KLHL5: variants seen among roughly 807,000 people sequenced by gnomAD.
KLHL5 encodes the protein kelch-like protein 5.
In KLHL5, 48 loss-of-function variants were observed where a neutral mutation model predicts 77.7. The ratio of observed to expected loss-of-function variants is 0.62; its 90% confidence interval spans 0.49 to 0.79. The LOEUF (loss-of-function observed/expected upper bound fraction) is 0.79, where lower values mean the gene tolerates loss of function less well. KLHL5 is among the 30% of genes least tolerant of loss of function. KLHL5 has a pLI of 0.00. For synonymous variants in KLHL5, 260 were observed against 297.0 expected (o/e 0.88, Z 1.28); for missense variants, 723 against 859.7 (o/e 0.84, Z 1.99).
upstream of KLHL5, among the ~76,000 whole-genome samples, chr4:39,061,165 G>A (rs187403328): frequency 8.5e-5 from 13 of 152,138 alleles, no homozygotes; most frequent in Non-Finnish European, 1.3e-4. Flanking sequence ...GGTTTTTCCC[G>A]TATTATTTAG....
chr4:39,091,520 C>T (rs570479072), intron 5 of KLHL5, among the ~76,000 whole-genome samples: 2 of 152,190 alleles, frequency 1.3e-5, no homozygotes, highest in East Asian at 1.9e-4. Context: ...AAATTATGAA[C>T]GTTTTCAATG....
At chr4:39,048,960 C>T (rs1343534328) in intron 1 of KLHL5, among the ~76,000 whole-genome samples, 3 of 152,072 alleles carry the variant, frequency 2.0e-5, no homozygotes, top group Admixed American at 2.0e-4. Flanking sequence ...CTCTTCAGGG[C>T]TTCTGTCTGG....
chr4:39,077,413 G>T (rs1264893899), intron 2 of KLHL5, among the ~76,000 whole-genome samples: 2 of 151,942 alleles, frequency 1.3e-5, no homozygotes, highest in African/African-American at 4.8e-5. Context: ...AGTGAGCCAA[G>T]ATCGCGCCAC....
intron 4 of KLHL5, among the ~76,000 whole-genome samples, chr4:39,084,335 C>A (rs1719867549): frequency 6.6e-6 from 1 of 152,154 alleles, no homozygotes; most frequent in Non-Finnish European, 1.5e-5. Flanking sequence ...TGCCACTGAA[C>A]ATGACCTGGA....
At chr4:39,045,176 C>G in intron 1 of KLHL5, 1 of 983,892 alleles carries the variant, frequency 1.0e-6, no homozygotes, top group Non-Finnish European at 1.2e-6. Context: ...GCGACTCTCA[C>G]GCCCCGCTGC....
the KLHL5 span, among the ~76,000 whole-genome samples, chr4:39,137,530 G>A: frequency 2.0e-5 from 3 of 152,222 alleles, no homozygotes; most frequent in East Asian, 5.8e-4. Context: ...AGGCTGAGGT[G>A]GGAAGATTGA....
At position 39,086,645 on chromosome 4, in the gene KLHL5, G is replaced by A. The variant is rs1328596580; in HGVS notation, c.1031G>A (p.Trp344Ter). 1 of 1,613,800 alleles carries A rather than the reference G, an allele frequency of 6.2e-7. No individual in the cohort carries two copies. Among genetic ancestry groups the A allele is most frequent in the Non-Finnish European group, 8.5e-7 (1 of 1,179,916 alleles). ...ACAATATTGAATGCACTTCTTACTT[G>A]GGTCCGTCATGATTTGGAACAGAGA... ...EETILNALLTWVRHDLEQRRK... is the reference protein window; with the variant it reads ...EETILNALLT The change falls in exon 5 of 11, where the codon TGG becomes TAG. Residue 344 changes from tryptophan to a stop codon, truncating the protein, a stop_gained. Coordinates refer to ENST00000504108, the MANE Select transcript of KLHL5 (RefSeq NM_015990.5). LOFTEE classifies it high-confidence loss of function.
chr4:39,103,840 A>G (rs1721808154), intron 7 of KLHL5, among the ~76,000 whole-genome samples: 1 of 7,150 alleles, frequency 1.4e-4, no homozygotes, highest in Non-Finnish European at 2.4e-4. Flanking sequence ...TTTTAATTAA[A>G]AAATTTGGTG....
intron 1 of KLHL5, among the ~76,000 whole-genome samples, chr4:39,069,428 TTTTATATATATATATATATA>T (rs1208217652): frequency 8.6e-5 from 11 of 128,650 alleles, no homozygotes; most frequent in Admixed American, 3.1e-4. Context: ...CCTATTAACA[TTTTATATATATATATATATA>T]TATATATATA....
intron 1 of KLHL5, among the ~76,000 whole-genome samples, chr4:39,070,612 A>G (rs1458488699): frequency 2.0e-5 from 3 of 152,206 alleles, no homozygotes; most frequent in African/African-American, 4.8e-5. Flanking sequence ...TTTAATTCTC[A>G]CCAGCATTGT....
rs1721114102 is a variant in KLHL5, at chr4:39,096,878, G to A, written c.1300G>A (p.Gly434Arg). ...AGTTGGGGGAATGGATTCAACAAAA[G>A]GTATCAAATAATCTTTTATTTGGGG... Reference protein sequence around the residue: ...FAVGGMDSTKGATSIEKYDLR... With the variant: ...FAVGGMDSTKRATSIEKYDLR... Residue 434 changes from glycine (G) to arginine (R), a missense_variant and splice_region_variant, in exon 6 of 11, where the codon GGA becomes AGA. By Grantham distance (125) the Gly-to-Arg change is moderately radical (BLOSUM62 -2). Coordinates refer to ENST00000504108, the MANE Select transcript of KLHL5 (RefSeq NM_015990.5). The A allele has an allele frequency of 6.2e-6, 10 of 1,608,854 alleles. No homozygotes were observed. Among genetic ancestry groups the A allele is most frequent in the Non-Finnish European group, 8.5e-6 (10 of 1,175,748 alleles).
chr4:39,099,671 T>C (rs1721374791), intron 6 of KLHL5, among the ~76,000 whole-genome samples: 1 of 152,198 alleles, frequency 6.6e-6, no homozygotes, highest in African/African-American at 2.4e-5. Context: ...ATCTCTCAAA[T>C]GTCAGCTTAC....
chr4:39,052,331 G>A (rs1412590263), intron 1 of KLHL5, among the ~76,000 whole-genome samples: 1 of 151,926 alleles, frequency 6.6e-6, no homozygotes, highest in African/African-American at 2.4e-5. Flanking sequence ...TATTGGCCAG[G>A]CTGGTCTTGA....
intron 7 of KLHL5, 132 bp from the exon 8 acceptor site, chr4:39,107,437 T>C: frequency 5.0e-6 from 1 of 200,270 alleles, no homozygotes; most frequent in Non-Finnish European, 8.8e-6. Flanking sequence ...GGAGGACACT[T>C]GTCTGCATCA....
At position 39,082,081 on chromosome 4, in the gene KLHL5, CAACT is replaced by C; in HGVS notation, c.823_826del (p.Asn275ValfsTer31). The C allele has an allele frequency of 6.2e-7, 1 of 1,613,984 alleles. No individual in the cohort carries two copies. The highest frequency in any genetic ancestry group is 1.7e-5 in the Admixed American group (1 of 59,998). ...TTTTAATGAAACAGCTTCATCCATCCAACTGTCTTGGAATTCGTTCTTTTGCTGA... is the reference window on the plus strand; with the variant it reads ...TTTTAATGAAACAGCTTCATCCATCCGTCTTGGAATTCGTTCTTTTGCTGA... On this transcript the variant is annotated frameshift_variant, in exon 4 of 11. Transcript: ENST00000504108. LOFTEE classifies it high-confidence loss of function.
At chr4:39,090,977 A>C (rs918680700) in intron 5 of KLHL5, among the ~76,000 whole-genome samples, 4 of 125,352 alleles carry the variant, frequency 3.2e-5, no homozygotes, top group Non-Finnish European at 6.5e-5. Flanking sequence ...ATGCCCAGTC[A>C]GTTTTTAATT....
At chr4:39,086,392 A>T (rs1048215231) in intron 4 of KLHL5, 123 bp from the exon 5 acceptor site, 3 of 738,704 alleles carry the variant, frequency 4.1e-6, no homozygotes, top group Non-Finnish European at 6.9e-6. Flanking sequence ...TAAGTATTAC[A>T]TTGTAAGGTC....
At chr4:39,128,989 C>A (rs889475029), downstream of KLHL5, among the ~76,000 whole-genome samples, 32 of 151,732 alleles carry the variant, frequency 2.1e-4, no homozygotes, top group African/African-American at 6.8e-4. Flanking sequence ...GGAGACACAG[C>A]AGCTGGTCAT....
intron 2 of KLHL5, among the ~76,000 whole-genome samples, chr4:39,077,725 C>A (rs2566140): frequency 0.74 from 106,041 of 143,630 alleles, 38,534 homozygotes; most frequent in East Asian, 0.82. Flanking sequence ...AACAAACAAA[C>A]AAAAAAACTA....
Sources: gnomAD v4.1 joint callset for allele counts (sites outside exome capture counted in the v4.1 genomes callset) on GRCh38, gnomAD v4.1.1 for gene constraint, MANE v1.5 for transcripts, NCBI Gene and HGNC (gene_info 2026-07-23, HGNC 2026-07-21) for gene names.